Variants in TBC1D21 observed in about 807,000 individuals in gnomAD.
TBC1D21 encodes the protein TBC1 domain family member 21.
Under a neutral mutation model 46.0 loss-of-function variants are expected in TBC1D21, and 38 were observed. The ratio of observed to expected loss-of-function variants is 0.83; its 90% CI spans 0.64 to 1.08. The LOEUF (loss-of-function observed/expected upper bound fraction) is 1.08. TBC1D21 is among the 50% of genes least tolerant of loss of function. TBC1D21 has a pLI of 0.00. For synonymous variants in TBC1D21, 151 were observed against 157.2 expected (o/e 0.96, Z 0.29); for missense variants, 415 against 417.9 (o/e 0.99, Z 0.06).
chr15:73,893,551 C>T (rs1168604326), downstream of TBC1D21, among the ~76,000 whole-genome samples: 2 of 152,204 alleles, frequency 1.3e-5, no homozygotes. Flanking sequence ...CATTGAATGA[C>T]CCCAAGGCCA....
the TBC1D21 span, among the ~76,000 whole-genome samples, chr15:73,902,467 C>T: frequency 6.6e-6 from 1 of 152,146 alleles, no homozygotes; most frequent in Non-Finnish European, 1.5e-5. Flanking sequence ...AATACCTGTC[C>T]CCTCTTTTCT....
chr15:73,901,236 C>G, the TBC1D21 span, among the ~76,000 whole-genome samples: 1,357 of 152,328 alleles, frequency 8.9e-3, 16 homozygotes, highest in Middle Eastern at 0.048. Context: ...GGAGCTGCCC[C>G]ATTTAAAGCC....
In TBC1D21 at chr15:73,874,905, C is replaced by T. The variant is rs115313383; in HGVS notation, c.60+1136C>T. On this transcript the variant is annotated intron_variant, in intron 1 of 10. Coordinates refer to ENST00000300504, the MANE Select transcript of TBC1D21 (RefSeq NM_153356.3). ...GGTAATAATTGCTGAAGTGGGAACCCCTTGTTACGGTTGGGAGTCTATCTT... is the reference window on the plus strand; with the variant it reads ...GGTAATAATTGCTGAAGTGGGAACCTCTTGTTACGGTTGGGAGTCTATCTT... 7.8e-3 allele frequency among the ~76,000 whole-genome samples: 1,183 copies of T among 152,246 alleles called. 22 individuals are homozygous for T. The highest frequency in any genetic ancestry group is 0.027 in the African/African-American group (1,101 of 41,540).
rs1319842638 is a variant in TBC1D21, at chr15:73,887,720, G to A, written c.878G>A (p.Gly293Glu). Residue 293 changes from glycine (G) to glutamate (E), a missense_variant, in exon 9 of 11, where the codon GGG becomes GAG. By Grantham distance (98) the Gly-to-Glu change is moderately conservative. Coordinates refer to ENST00000300504, the MANE Select transcript of TBC1D21 (RefSeq NM_153356.3). ...REQVLQESMG[G>E]DDILLACNNL... ...CAGGTGCTGCAGGAAAGCATGGGCG[G>A]GGATGACATCCTCCTGGTGAGAGCA... The A allele has an allele frequency of 1.9e-6, 3 of 1,613,652 alleles. No homozygotes were observed.
the TBC1D21 span, among the ~76,000 whole-genome samples, chr15:73,897,897 G>C: frequency 6.6e-6 from 1 of 152,212 alleles, no homozygotes; most frequent in South Asian, 2.1e-4. Flanking sequence ...CTAGGACCCT[G>C]TGAGCAGGTG....
At chr15:73,905,617 T>C in the TBC1D21 span, among the ~76,000 whole-genome samples, 5 of 152,096 alleles carry the variant, frequency 3.3e-5, no homozygotes, top group African/African-American at 4.8e-5. Flanking sequence ...GTGGTGGGAG[T>C]ATTTACACCA....
At chr15:73,876,550 T>C (rs2141549321) in intron 1 of TBC1D21, among the ~76,000 whole-genome samples, 1 of 152,074 alleles carries the variant, frequency 6.6e-6, no homozygotes, top group South Asian at 2.1e-4. Flanking sequence ...GCCGAAGCAG[T>C]GACTTTTTAT....
At chr15:73,881,569 GGT>G (rs1035732534) in intron 2 of TBC1D21, 63 bp downstream of exon 2, 3 of 1,600,810 alleles carry the variant, frequency 1.9e-6, no homozygotes, top group Non-Finnish European at 1.7e-6. Context: ...GCAGGGGGCA[GGT>G]GTGGCGTTGG....
intron 7 of TBC1D21, 130 bp downstream of exon 7, chr15:73,886,304 C>A: frequency 1.1e-6 from 1 of 924,620 alleles, no homozygotes; most frequent in South Asian, 1.6e-5. Flanking sequence ...TTCTCCAGGC[C>A]CTGGGAAGAG....
In TBC1D21 at chr15:73,881,439, G is replaced by C. The variant is rs769257172; in HGVS notation, c.101G>C (p.Ser34Thr). 2 of 1,614,114 alleles carry C rather than the reference G, an allele frequency of 1.2e-6. No homozygotes were observed. The highest frequency in any genetic ancestry group is 2.2e-5 in the South Asian group (2 of 91,090). ...CCCATTGACAAGACAGAATGGGACAGCTTCTTTGATGAGAGTGGCCACTTG... is the reference window on the plus strand; with the variant it reads ...CCCATTGACAAGACAGAATGGGACACCTTCTTTGATGAGAGTGGCCACTTG... ...KPPIDKTEWD[S>T]FFDESGHLAK... The change falls in exon 2 of 11, where the codon AGC becomes ACC. Residue 34 changes from serine (S) to threonine (T), a missense_variant. Ser to Thr is a moderately conservative substitution (Grantham distance 58). Transcript: ENST00000300504.
At chr15:73,892,365 G>A (rs1567071752), downstream of TBC1D21, among the ~76,000 whole-genome samples, 1 of 152,210 alleles carries the variant, frequency 6.6e-6, no homozygotes, top group South Asian at 2.1e-4. Flanking sequence ...TGCTTGCCAT[G>A]TTGCAGGTGA....
the TBC1D21 span, among the ~76,000 whole-genome samples, chr15:73,899,770 C>A: frequency 6.6e-6 from 1 of 152,126 alleles, no homozygotes; most frequent in Non-Finnish European, 1.5e-5. Context: ...GGATTTGAGG[C>A]ACATTAGTCT....
At chr15:73,898,141 G>A in the TBC1D21 span, among the ~76,000 whole-genome samples, 7 of 152,334 alleles carry the variant, frequency 4.6e-5, no homozygotes, top group Admixed American at 2.0e-4. Context: ...CTGGGTTCTC[G>A]GTCTCCAACC....
In TBC1D21 at chr15:73,884,006, T is replaced by G. The variant is rs542962018; in HGVS notation, c.273-145T>G. ...ACAGTTAGGGTGGCACAGGTTGAGA[T>G]GAGGGACAGCATCACAGGTAGGGTG... On this transcript the variant is annotated intron_variant, in intron 3 of 10. Coordinates refer to ENST00000300504, the MANE Select transcript of TBC1D21 (RefSeq NM_153356.3). 4.2e-6 allele frequency: 3 copies of G among 719,256 alleles called. No homozygotes were observed. The South Asian group carries it at 4.7e-5, about 11-fold the overall frequency. 44.6% of individuals were successfully genotyped at this position (719,256 alleles called of 1,614,324 possible).
At chr15:73,893,878 A>G (rs2068356026), downstream of TBC1D21, among the ~76,000 whole-genome samples, 1 of 152,234 alleles carries the variant, frequency 6.6e-6, no homozygotes, top group South Asian at 2.1e-4. Flanking sequence ...GAGCTTCAGG[A>G]GGTCACGAAC....
chr15:73,880,564 A>G (rs939292823), intron 1 of TBC1D21, among the ~76,000 whole-genome samples: 1 of 152,204 alleles, frequency 6.6e-6, no homozygotes, highest in Non-Finnish European at 1.5e-5. Context: ...TGAGGCCAAG[A>G]GATCAAGACC....
rs1595826851 is a variant in TBC1D21 at position 73,887,746 on chromosome 15, C to T, written c.894+10C>T. On this transcript the variant is annotated intron_variant, in intron 9 of 10. Coordinates refer to ENST00000300504, the MANE Select transcript of TBC1D21 (RefSeq NM_153356.3). ...GGATGACATCCTCCTGGTGAGAGCA[C>T]CCTCGGGCAAGCTACCACCCCTGCT... The T allele has an allele frequency of 1.9e-6, 3 of 1,609,520 alleles. No individual in the cohort carries two copies. Among genetic ancestry groups the T allele is most frequent in the Non-Finnish European group, 2.5e-6 (3 of 1,176,902 alleles).
chr15:73,888,696 G>A (rs1451959558), intron 10 of TBC1D21, among the ~76,000 whole-genome samples, 183 bp downstream of exon 10: 8 of 97,698 alleles, frequency 8.2e-5, no homozygotes, highest in South Asian at 3.3e-4. Context: ...CTTCCTCCTC[G>A]TACTCCTCCT....
chr15:73,894,704 G>A, the TBC1D21 span, among the ~76,000 whole-genome samples: 1 of 152,154 alleles, frequency 6.6e-6, no homozygotes, highest in Admixed American at 6.5e-5. Flanking sequence ...CAGGGTGGAG[G>A]AGGGCTGTGC....
Sources: gnomAD v4.1 joint callset for allele counts (sites outside exome capture counted in the v4.1 genomes callset) on GRCh38, gnomAD v4.1.1 for gene constraint, MANE v1.5 for transcripts, NCBI Gene and HGNC (gene_info 2026-07-23, HGNC 2026-07-21) for gene names.